SSH1: variants seen among roughly 807,000 people sequenced by gnomAD.
SSH1 encodes the protein slingshot protein phosphatase 1, also known as protein phosphatase Slingshot homolog 1.
SSH1 carries 43 observed loss-of-function variants against 79.7 expected under a neutral mutation model. The observed-to-expected ratio is 0.54, with a 90% confidence interval of 0.42 to 0.70. The LOEUF is 0.70. Ranked by LOEUF, SSH1 falls within the 30% of genes least tolerant of loss-of-function variation. SSH1 has a pLI of 0.00. For missense variants in SSH1, 1,206 were observed against 1,358.8 expected (o/e 0.89, Z 1.77); for synonymous variants, 599 against 538.3 (o/e 1.11, Z -1.56).
At chr12:108,829,888 C>T (rs2038431198) in intron 2 of SSH1, among the ~76,000 whole-genome samples, 1 of 151,794 alleles carries the variant, frequency 6.6e-6, no homozygotes, top group African/African-American at 2.4e-5. Flanking sequence ...AATCAGTTGA[C>T]CCCTGGAGTT....
chr12:108,809,900 A>G (rs1002108617), intron 6 of SSH1, 142 bp from the exon 7 acceptor site: 5 of 750,042 alleles, frequency 6.7e-6, no homozygotes, highest in East Asian at 2.6e-5. Context: ...GATTTTACGG[A>G]ACCCGCTTTC....
At chr12:108,836,821 A>G in intron 2 of SSH1, 1 of 480,870 alleles carries the variant, frequency 2.1e-6, no homozygotes, top group South Asian at 1.5e-5. Context: ...ACGAGGACGC[A>G]GCATCCCTTG....
At position 108,783,965 on chromosome 12, in the gene SSH1, G is replaced by C. The variant is rs1030497153; in HGVS notation, c.*4023C>G. 6.6e-6 allele frequency: 1 copy of C among 152,224 alleles called. No homozygotes were observed. Among genetic ancestry groups the C allele is most frequent in the African/African-American group, 2.4e-5 (1 of 41,448 alleles). 9.4% of individuals were successfully genotyped at this position (152,224 alleles called of 1,614,324 possible). ...AGCTCTCTTGCCAGAGGTGAAGGGG[G>C]TCCCCTCGCTGAGTTGCGTGTTTAG... is the stretch of plus-strand genomic sequence containing the variant. On this transcript the variant is annotated 3_prime_UTR_variant, in exon 15 of 15. Coordinates refer to ENST00000326495, the MANE Select transcript of SSH1 (RefSeq NM_018984.4).
intron 8 of SSH1, 148 bp from the exon 9 acceptor site, chr12:108,806,542 G>A: frequency 2.6e-6 from 2 of 756,286 alleles, no homozygotes; most frequent in African/African-American, 3.4e-5. Flanking sequence ...CAGGCAGCAG[G>A]GAGAGGTGCA....
At chr12:108,850,914 G>A (rs2039025068) in intron 2 of SSH1, among the ~76,000 whole-genome samples, 1 of 151,778 alleles carries the variant, frequency 6.6e-6, no homozygotes, top group Non-Finnish European at 1.5e-5. Flanking sequence ...GCCGCTGTGA[G>A]GTGGGCAAGC....
In SSH1 at chr12:108,823,221, A is replaced by C. The variant is rs746631880; in HGVS notation, c.214+37T>G. ...AAGTTTCCTCTGCTGTCCAGAAAAGAAGCTCCAATGTAAGAGTATCAACTT... is the reference window on the plus strand; with the variant it reads ...AAGTTTCCTCTGCTGTCCAGAAAAGCAGCTCCAATGTAAGAGTATCAACTT... On this transcript the variant is annotated intron_variant, in intron 3 of 14. Coordinates refer to ENST00000326495, the MANE Select transcript of SSH1 (RefSeq NM_018984.4). 8.6e-6 allele frequency: 13 copies of C among 1,518,574 alleles called. No homozygotes were observed. In the East Asian group the frequency reaches 1.7e-4, roughly 20 times the overall value. The allele number at this position is 1,518,574 out of a possible 1,614,324, so 94.1% of individuals were successfully genotyped here. A position where few individuals can be genotyped will look rare whatever the true frequency, so the allele number is the denominator to read the frequency against.
intron 9 of SSH1, among the ~76,000 whole-genome samples, chr12:108,805,598 C>T (rs761664559): frequency 6.6e-6 from 1 of 151,762 alleles, no homozygotes; most frequent in Non-Finnish European, 1.5e-5. Context: ...GTGGCTCATG[C>T]CTGTAATCCC....
chr12:108,829,621 T>C (rs2038424616), intron 2 of SSH1, among the ~76,000 whole-genome samples: 1 of 152,184 alleles, frequency 6.6e-6, no homozygotes, highest in African/African-American at 2.4e-5. Flanking sequence ...ACAGCATTTC[T>C]TGAAGAACAA....
chr12:108,793,080 C>T (rs372421969), intron 13 of SSH1, among the ~76,000 whole-genome samples: 15 of 152,276 alleles, frequency 9.9e-5, no homozygotes, highest in Non-Finnish European at 1.6e-4. Context: ...CTGATGACAA[C>T]GGGGAAGGAA....
chr12:108,812,643 G>T (rs1222329586), intron 5 of SSH1, among the ~76,000 whole-genome samples: 3 of 152,212 alleles, frequency 2.0e-5, no homozygotes, highest in Non-Finnish European at 4.4e-5. Flanking sequence ...GGCCTCCCTT[G>T]GACAGAGATG....
chr12:108,791,884 G>A (rs2036516802), intron 14 of SSH1: 2 of 1,224,474 alleles, frequency 1.6e-6, no homozygotes, highest in South Asian at 7.1e-5. Flanking sequence ...TGGTAGGGGT[G>A]AGATGAAAAA....
At chr12:108,848,081 GCCA>G (rs1010348675) in intron 2 of SSH1, among the ~76,000 whole-genome samples, 1 of 152,152 alleles carries the variant, frequency 6.6e-6, no homozygotes, top group Non-Finnish European at 1.5e-5. Flanking sequence ...GGGTGGAAAG[GCCA>G]CCAACGCCGG....
chr12:108,801,203 A>C (rs1408861586), intron 11 of SSH1, among the ~76,000 whole-genome samples: 2 of 152,220 alleles, frequency 1.3e-5, no homozygotes, highest in Non-Finnish European at 2.9e-5. Context: ...TGGAAAATTA[A>C]ATATACGTAT....
In SSH1 at chr12:108,853,374, T is replaced by C. The variant is rs1373807289; in HGVS notation, c.70-696A>G. 5.1e-6 allele frequency: 5 copies of C among 984,070 alleles called. No individual in the cohort carries two copies. The East Asian group carries it at 3.4e-4, about 67-fold the overall frequency. The allele number at this position is 984,070 out of a possible 1,614,324, so 61.0% of individuals were successfully genotyped here. A position where few individuals can be genotyped will look rare whatever the true frequency, so the allele number is the denominator to read the frequency against. On this transcript the variant is annotated intron_variant, in intron 1 of 14. Transcript: ENST00000326495. Reference sequence around the variant, plus strand: ...TTTCTTTCAGAGAGCAAACTGAAAATAAGAAGGAAACACATACACACCCCC... The same window carrying C: ...TTTCTTTCAGAGAGCAAACTGAAAACAAGAAGGAAACACATACACACCCCC...
chr12:108,823,390 A>G (rs1441413935), intron 2 of SSH1, 29 bp from the exon 3 acceptor site: 1 of 1,536,492 alleles, frequency 6.5e-7, no homozygotes, highest in Non-Finnish European at 8.8e-7. Flanking sequence ...GAGCACAGTT[A>G]GACCGGAATT....
At chr12:108,855,299 A>G (rs2039121639) in intron 1 of SSH1, among the ~76,000 whole-genome samples, 2 of 152,236 alleles carry the variant, frequency 1.3e-5, no homozygotes, top group African/African-American at 4.8e-5. Flanking sequence ...ATCCATAGAT[A>G]CAGAAAGTAG....
At chr12:108,789,281 C>T (rs911232257) in intron 14 of SSH1, 37 bp from the exon 15 acceptor site, 2 of 1,564,844 alleles carry the variant, frequency 1.3e-6, no homozygotes, top group Non-Finnish European at 1.7e-6. Flanking sequence ...TGAGACGGTG[C>T]AGTCATGAGC....
chr12:108,806,179 C>CTGA, intron 9 of SSH1, 122 bp downstream of exon 9: 2 of 935,298 alleles, frequency 2.1e-6, no homozygotes, highest in Non-Finnish European at 3.6e-6. Flanking sequence ...CCTCCGGGGG[C>CTGA]TGATACCAGA....
intron 2 of SSH1, among the ~76,000 whole-genome samples, chr12:108,840,735 T>C (rs1283895220): frequency 2.0e-5 from 3 of 152,304 alleles, no homozygotes; most frequent in African/African-American, 7.2e-5. Flanking sequence ...GTTCTAAAGA[T>C]GCGAGTACTT....
Sources: allele counts gnomAD v4.1 joint callset (sites outside exome capture counted in the v4.1 genomes callset), GRCh38; gene constraint gnomAD v4.1.1; transcripts MANE v1.5; gene names NCBI Gene and HGNC (gene_info 2026-07-23, HGNC 2026-07-21).